Variants in ADAMTS18 observed in about 807,000 individuals in gnomAD.
ADAMTS18 encodes A disintegrin and metalloproteinase with thrombospondin motifs 18.
A neutral mutation model predicts 165.9 loss-of-function variants in ADAMTS18; 157 were observed. That is an observed-to-expected ratio of 0.95 (90% CI 0.83 to 1.08). The LOEUF is 1.08. Ranked by LOEUF, ADAMTS18 falls within the 50% of genes least tolerant of loss-of-function variation. The probability of loss-of-function intolerance (pLI) is 0.00; values close to 1 mark genes in which losing one functional copy is unlikely to be tolerated. For missense variants in ADAMTS18, 2,040 were observed against 1,534.0 expected, an observed-to-expected ratio of 1.33 and a Z score of -5.51; for synonymous variants, 782 against 578.2, an observed-to-expected ratio of 1.35 and a Z score of -5.06.
chr16:77,297,111 G>C (rs1046828176), intron 18 of ADAMTS18, among the ~76,000 whole-genome samples, 178 bp downstream of exon 18: 32 of 152,260 alleles, frequency 2.1e-4, no homozygotes, highest in African/African-American at 7.7e-4. Context: ...CAAGTAGCTA[G>C]GACCACACAC....
chr16:77,382,747 G>T (rs988643292), intron 3 of ADAMTS18, among the ~76,000 whole-genome samples: 5 of 152,176 alleles, frequency 3.3e-5, no homozygotes, highest in African/African-American at 1.2e-4. Context: ...TGACCAAGAC[G>T]ACAGCTAGCA....
chr16:77,339,137 G>C (rs113278358), intron 11 of ADAMTS18, among the ~76,000 whole-genome samples: 3,730 of 151,142 alleles, frequency 0.025, 75 homozygotes, highest in South Asian at 0.052. Context: ...CACTCCAGAT[G>C]AAACAAGTAA....
chr16:77,393,027 C>T (rs1253144580), intron 3 of ADAMTS18, among the ~76,000 whole-genome samples: 2 of 152,080 alleles, frequency 1.3e-5, no homozygotes, highest in Admixed American at 6.5e-5. Flanking sequence ...TCGATGGGTA[C>T]CATCAAAGGG....
intron 12 of ADAMTS18, among the ~76,000 whole-genome samples, chr16:77,328,747 G>A (rs994229932): frequency 6.6e-6 from 1 of 152,128 alleles, no homozygotes; most frequent in African/African-American, 2.4e-5. Context: ...CCTCATTTGG[G>A]CTCTATGTAG....
At chr16:77,388,178 C>T (rs2057135964) in intron 3 of ADAMTS18, among the ~76,000 whole-genome samples, 1 of 152,204 alleles carries the variant, frequency 6.6e-6, no homozygotes. Flanking sequence ...CAGCTCACTG[C>T]AACCTCCGCC....
Position 77,291,265 on chromosome 16 carries a change from C to A in ADAMTS18, c.3402+1G>T. On this transcript the variant is annotated splice_donor_variant, in intron 21 of 22. Coordinates refer to ENST00000282849, the MANE Select transcript of ADAMTS18 (RefSeq NM_199355.4). LOFTEE classifies it high-confidence loss of function. ...CACCTCCTCAATCGGCCTGTACCCACCTGCTGCCACGGCAATGAATACCAT... is the reference window on the plus strand; with the variant it reads ...CACCTCCTCAATCGGCCTGTACCCAACTGCTGCCACGGCAATGAATACCAT... 6.2e-7 allele frequency: 1 copy of A among 1,613,954 alleles called. No individual in the cohort carries two copies. The highest frequency in any genetic ancestry group is 2.2e-5 in the East Asian group (1 of 44,872).
intron 1 of ADAMTS18, 35 bp from the exon 2 acceptor site, chr16:77,434,540 C>T: frequency 1.3e-6 from 2 of 1,536,798 alleles, no homozygotes; most frequent in South Asian, 1.2e-5. Flanking sequence ...GCGTGAGGGG[C>T]GCGGCGGGGC....
At chr16:77,354,564 G>T (rs1309952538) in intron 9 of ADAMTS18, among the ~76,000 whole-genome samples, 1 of 151,960 alleles carries the variant, frequency 6.6e-6, no homozygotes, top group Non-Finnish European at 1.5e-5. Context: ...TGGTACCACC[G>T]AGAAGTTAAT....
chr16:77,311,878 A>G (rs1354304632), intron 16 of ADAMTS18, among the ~76,000 whole-genome samples: 1 of 152,240 alleles, frequency 6.6e-6, no homozygotes, highest in Non-Finnish European at 1.5e-5. Context: ...GAATGAGTGC[A>G]TAAAGAAAGA....
chr16:77,360,499 G>T (rs1303508201), intron 7 of ADAMTS18, among the ~76,000 whole-genome samples: 1 of 149,426 alleles, frequency 6.7e-6, no homozygotes, highest in South Asian at 2.1e-4. Context: ...AATTTCTGGT[G>T]TTTTGTTTTT....
At chr16:77,301,874 C>G (rs542692067) in intron 16 of ADAMTS18, among the ~76,000 whole-genome samples, 3 of 152,006 alleles carry the variant, frequency 2.0e-5, no homozygotes, top group African/African-American at 4.8e-5. Context: ...CATCCAAAAC[C>G]AAATCAATAC....
At chr16:77,399,147 A>T (rs954969144) in intron 3 of ADAMTS18, among the ~76,000 whole-genome samples, 13 of 152,272 alleles carry the variant, frequency 8.5e-5, no homozygotes, top group African/African-American at 3.1e-4. Context: ...GGGGGATGCC[A>T]CTTTACTCAG....
chr16:77,359,667 G>A (rs1174927759), intron 7 of ADAMTS18, among the ~76,000 whole-genome samples: 2 of 151,998 alleles, frequency 1.3e-5, no homozygotes, highest in African/African-American at 4.8e-5. Flanking sequence ...CCTTGTAAGA[G>A]CCCTGTAAGG....
intron 7 of ADAMTS18, 103 bp from the exon 8 acceptor site, chr16:77,359,526 G>T: frequency 2.3e-6 from 2 of 854,450 alleles, no homozygotes; most frequent in Non-Finnish European, 3.7e-6. Context: ...TAGTTTAATA[G>T]ATCAATGCAT....
chr16:77,375,901 T>C (rs1274241065), intron 3 of ADAMTS18, among the ~76,000 whole-genome samples: 1 of 71,432 alleles, frequency 1.4e-5, no homozygotes, highest in Non-Finnish European at 2.7e-5. Context: ...TTTTTTTTTT[T>C]TTTTTTTTTT....
At chr16:77,389,919 G>A (rs879598185) in intron 3 of ADAMTS18, among the ~76,000 whole-genome samples, 17 of 152,266 alleles carry the variant, frequency 1.1e-4, no homozygotes, top group Middle Eastern at 3.4e-3. Flanking sequence ...AAGATAACGT[G>A]TGCCCACATG....
At chr16:77,431,680 C>T in intron 2 of ADAMTS18, 69 bp from the exon 3 acceptor site, 1 of 1,526,456 alleles carries the variant, frequency 6.6e-7, no homozygotes, top group Non-Finnish European at 9.0e-7. Context: ...TTCCAGCAAG[C>T]TGGCAAAGAG....
rs559147381 is a variant in ADAMTS18, at chr16:77,332,449, A to T, written c.1859+3307T>A. Among the ~76,000 whole-genome samples the T allele has an allele frequency of 3.5e-4, 53 of 152,282 alleles. 2 individuals carry two copies. The South Asian group carries it at 0.011, about 31-fold the overall frequency. On this transcript the variant is annotated intron_variant, in intron 12 of 22. Transcript: ENST00000282849. The stretch of plus-strand genomic sequence containing the variant: ...GGTGAATGCCCACTGAATGTTCCCC[A>T]GTCTGTCAGGCATTCTAAAGATGCA...
chr16:77,420,359 G>C (rs143084207), intron 3 of ADAMTS18, among the ~76,000 whole-genome samples: 6 of 152,012 alleles, frequency 3.9e-5, no homozygotes, highest in Admixed American at 1.3e-4. Flanking sequence ...CCTAGCCCAG[G>C]GTTTCTCAAA....
Sources: gnomAD v4.1 joint callset for allele counts (sites outside exome capture counted in the v4.1 genomes callset) on GRCh38, gnomAD v4.1.1 for gene constraint, MANE v1.5 for transcripts, NCBI Gene and HGNC (gene_info 2026-07-23, HGNC 2026-07-21) for gene names.